CACNB2: variants seen among roughly 807,000 people sequenced by gnomAD.
The protein encoded by CACNB2 is calcium voltage-gated channel auxiliary subunit beta 2.
Under a neutral mutation model 73.3 loss-of-function variants are expected in CACNB2, and 42 were observed. The observed-to-expected ratio is 0.57, with a 90% CI of 0.45 to 0.74. The LOEUF is 0.74. Among genes scored for constraint, CACNB2 ranks in the 30% least tolerant of loss-of-function variants. The pLI, the probability that CACNB2 is intolerant of heterozygous loss-of-function variation, is 0.00. For synonymous variants in CACNB2, 348 were observed against 310.3 expected (o/e 1.12, Z -1.28); for missense variants, 940 against 853.0 (o/e 1.10, Z -1.27).
chr10:18,321,485 C>T (rs917001303), intron 2 of CACNB2, among the ~76,000 whole-genome samples: 2 of 152,078 alleles, frequency 1.3e-5, no homozygotes, highest in African/African-American at 2.4e-5. Context: ...AATAGGGTGA[C>T]TATAGTCAAT....
At chr10:18,340,721 C>G in intron 2 of CACNB2, 2 of 1,452,226 alleles carry the variant, frequency 1.4e-6, no homozygotes, top group Non-Finnish European at 9.0e-7. Flanking sequence ...CTAAGTGGTT[C>G]TGGAACAGAG....
rs1431929485 is a variant in CACNB2, at chr10:18,541,955, C to A, written c.*2231C>A. The stretch of plus-strand genomic sequence containing the variant: ...CTTCCTTGATTATTCCAAGTTCTTA[C>A]CAAATATTCTTAGCCTTTTATAAGT... On this transcript the variant is annotated 3_prime_UTR_variant, in exon 14 of 14. Transcript: ENST00000324631. 2 of 152,022 alleles carry A rather than the reference C, an allele frequency of 1.3e-5. No individual in the cohort carries two copies. Among genetic ancestry groups the A allele is most frequent in the African/African-American group, 2.4e-5 (1 of 41,408 alleles). 9.4% of individuals were successfully genotyped at this position (152,022 alleles called of 1,614,324 possible).
At chr10:18,357,633 A>C (rs1229586418) in intron 2 of CACNB2, among the ~76,000 whole-genome samples, 2 of 152,238 alleles carry the variant, frequency 1.3e-5, no homozygotes, top group Non-Finnish European at 2.9e-5. Context: ...AACTATGCGA[A>C]AAGACTTGTA....
rs1041152 is a variant in CACNB2, at chr10:18,320,090, C to T, written c.214-81834C>T. Among the ~76,000 whole-genome samples the T allele has an allele frequency of 6.0e-3, 912 of 150,754 alleles. 34 individuals are homozygous for T. The highest frequency in any genetic ancestry group is 0.052 in the Admixed American group (786 of 15,150). ...CTCCAATCACTCCCCGATCCACTTT[C>T]ATGCCGACCCCGCCACCCCAAGGAC... On this transcript the variant is annotated intron_variant, in intron 2 of 13. Coordinates refer to ENST00000324631, the MANE Select transcript of CACNB2 (RefSeq NM_201596.3).
intron 10 of CACNB2, among the ~76,000 whole-genome samples, chr10:18,530,782 C>G (rs890848799): frequency 3.9e-5 from 6 of 152,176 alleles, no homozygotes; most frequent in African/African-American, 1.4e-4. Context: ...ATAACGGAAG[C>G]TTTGCATGTG....
At chr10:18,286,264 C>T (rs1186174659) in intron 2 of CACNB2, among the ~76,000 whole-genome samples, 3 of 152,130 alleles carry the variant, frequency 2.0e-5, no homozygotes, top group Non-Finnish European at 2.9e-5. Flanking sequence ...CGCCTGTAAT[C>T]CCAGCACTTT....
At chr10:18,180,597 G>T (rs1223975104) in intron 2 of CACNB2, among the ~76,000 whole-genome samples, 1 of 152,084 alleles carries the variant, frequency 6.6e-6, no homozygotes, top group African/African-American at 2.4e-5. Flanking sequence ...CAGTTACGAG[G>T]ATTAGGGACA....
intron 2 of CACNB2, among the ~76,000 whole-genome samples, chr10:18,249,201 C>G (rs1468370903): frequency 6.6e-6 from 1 of 152,136 alleles, no homozygotes; most frequent in African/African-American, 2.4e-5. Flanking sequence ...CACTGGTACC[C>G]AAATCTTCTG....
At chr10:18,532,693 A>AC (rs2053170675) in intron 10 of CACNB2, among the ~76,000 whole-genome samples, 2 of 81,736 alleles carry the variant, frequency 2.4e-5, no homozygotes, top group African/African-American at 1.0e-4. Flanking sequence ...AAAAAAAAAA[A>AC]AAACAAAACA....
At chr10:18,355,780 T>A (rs1279164023) in intron 2 of CACNB2, among the ~76,000 whole-genome samples, 1 of 151,640 alleles carries the variant, frequency 6.6e-6, no homozygotes, top group Non-Finnish European at 1.5e-5. Flanking sequence ...GGATTACAGG[T>A]GCCTGCCACC....
At chr10:18,367,594 TATTTAA>T (rs1359559974) in intron 2 of CACNB2, among the ~76,000 whole-genome samples, 1 of 152,178 alleles carries the variant, frequency 6.6e-6, no homozygotes, top group Non-Finnish European at 1.5e-5. Flanking sequence ...TTTAAAAAAG[TATTTAA>T]ATTAAGAGTA....
At chr10:18,474,019 G>A (rs7895467) in intron 3 of CACNB2, among the ~76,000 whole-genome samples, 45,630 of 152,028 alleles carry the variant, frequency 0.3, 6,945 homozygotes, top group Non-Finnish European at 0.33. Flanking sequence ...GGATTTGCTC[G>A]CTAAGAGCTC....
chr10:18,316,128 A>ATG (rs1448509108), intron 2 of CACNB2, among the ~76,000 whole-genome samples: 1 of 152,064 alleles, frequency 6.6e-6, no homozygotes, highest in Non-Finnish European at 1.5e-5. Flanking sequence ...TACATTATAT[A>ATG]TGTGTGTGTG....
intron 2 of CACNB2, among the ~76,000 whole-genome samples, chr10:18,167,054 T>G (rs1271764220): frequency 1.3e-5 from 2 of 152,206 alleles, no homozygotes; most frequent in Non-Finnish European, 2.9e-5. Flanking sequence ...CCAGCCTCCC[T>G]TGCTACTCCA....
intron 2 of CACNB2, among the ~76,000 whole-genome samples, chr10:18,326,681 C>T (rs1004180890): frequency 6.6e-5 from 10 of 152,178 alleles, no homozygotes; most frequent in Non-Finnish European, 1.2e-4. Flanking sequence ...CCACATGAAC[C>T]TCTTCAAAAT....
intron 2 of CACNB2, among the ~76,000 whole-genome samples, chr10:18,182,600 T>C (rs540636424): frequency 6.6e-6 from 1 of 151,492 alleles, no homozygotes; most frequent in Admixed American, 6.6e-5. Context: ...GGTGGGCAGA[T>C]TGCCTGAGCT....
chr10:18,260,947 A>G (rs1246452763), intron 2 of CACNB2: 7 of 1,274,038 alleles, frequency 5.5e-6, no homozygotes, highest in African/African-American at 1.5e-5. Flanking sequence ...GGACAGTCCT[A>G]ACTCTGTGTT....
intron 2 of CACNB2, among the ~76,000 whole-genome samples, chr10:18,376,691 G>T (rs1288692181): frequency 6.6e-6 from 1 of 152,128 alleles, no homozygotes; most frequent in Non-Finnish European, 1.5e-5. Flanking sequence ...GACTATCTCT[G>T]CCTAGAGGGG....
intron 2 of CACNB2, among the ~76,000 whole-genome samples, chr10:18,304,557 A>G (rs980302944): frequency 3.3e-5 from 5 of 151,862 alleles, no homozygotes; most frequent in Admixed American, 2.0e-4. Context: ...GTTAATATCT[A>G]TATTCAGCAA....
Sources: allele counts gnomAD v4.1 joint callset (sites outside exome capture counted in the v4.1 genomes callset), GRCh38; gene constraint gnomAD v4.1.1; transcripts MANE v1.5; gene names NCBI Gene and HGNC (gene_info 2026-07-23, HGNC 2026-07-21).